Variants in SLC67A1 observed in about 807,000 individuals in gnomAD.
SLC67A1 encodes solute carrier family 67 member 1.
the SLC67A1 span, among the ~76,000 whole-genome samples, chr11:2,904,761 G>A: frequency 6.6e-6 from 1 of 152,230 alleles, no homozygotes. Flanking sequence ...GCAGTGGGAA[G>A]GGGGCGAGGT....
chr11:2,921,905 C>A, the SLC67A1 span: 1 of 612,960 alleles, frequency 1.6e-6, no homozygotes, highest in Non-Finnish European at 3.0e-6. Context: ...GGATCTCAGA[C>A]CCATCCTGAC....
chr11:2,914,091 G>A, the SLC67A1 span, among the ~76,000 whole-genome samples: 4 of 152,204 alleles, frequency 2.6e-5, no homozygotes, highest in African/African-American at 2.4e-5. Flanking sequence ...GCAGGTAAGC[G>A]GCAGAGAAGG....
At chr11:2,922,929 A>G in the SLC67A1 span, among the ~76,000 whole-genome samples, 3 of 152,284 alleles carry the variant, frequency 2.0e-5, no homozygotes, top group Admixed American at 2.0e-4. Flanking sequence ...TGGGGCACAC[A>G]AGTGCTCAGG....
the SLC67A1 span, among the ~76,000 whole-genome samples, chr11:2,904,245 T>G: frequency 6.6e-6 from 1 of 152,172 alleles, no homozygotes; most frequent in Non-Finnish European, 1.5e-5. Context: ...AAGCCCGGCG[T>G]GCGTGGGCTC....
the SLC67A1 span, chr11:2,916,499 T>C: frequency 1.4e-6 from 1 of 711,086 alleles, no homozygotes; most frequent in Admixed American, 2.2e-5. Context: ...CCACAGACTG[T>C]GGGGATGTGG....
At chr11:2,906,829 C>A in the SLC67A1 span, among the ~76,000 whole-genome samples, 21 of 150,350 alleles carry the variant, frequency 1.4e-4, no homozygotes, top group African/African-American at 5.2e-4. Context: ...CAAACCTGCA[C>A]GTTGTGTACA....
the SLC67A1 span, chr11:2,919,783 C>T: frequency 4.5e-6 from 1 of 221,290 alleles, no homozygotes; most frequent in Non-Finnish European, 8.9e-6. Context: ...GTGGTTAGAC[C>T]AGCGTGGGCC....
At chr11:2,908,491 GC>G in the SLC67A1 span, among the ~76,000 whole-genome samples, 44 of 152,196 alleles carry the variant, frequency 2.9e-4, no homozygotes, top group African/African-American at 1.0e-3. Context: ...AAGAACTTTG[GC>G]CCCTGGTAGG....
At chr11:2,918,946 C>T in the SLC67A1 span, 270 of 233,796 alleles carry the variant, frequency 1.2e-3, no homozygotes, top group Non-Finnish European at 2.0e-3. Flanking sequence ...CCTCCCTCTT[C>T]GGCCTCCCAA....
chr11:2,909,699 CTCCGCGT>C, the SLC67A1 span: 1 of 1,538,442 alleles, frequency 6.5e-7, no homozygotes, highest in East Asian at 2.5e-5. Context: ...GGACCCTGGT[CTCCGCGT>C]ACGGGTGAGT....
At chr11:2,921,979 G>T in the SLC67A1 span, 1 of 739,762 alleles carries the variant, frequency 1.4e-6, no homozygotes, top group Non-Finnish European at 2.4e-6. Context: ...GGCCTTCTCT[G>T]CAGAGGGGCC....
the SLC67A1 span, chr11:2,915,338 C>T: frequency 2.9e-6 from 2 of 681,736 alleles, no homozygotes; most frequent in Middle Eastern, 7.3e-4. Flanking sequence ...AAAGTCCTTT[C>T]TTTGAACTCC....
the SLC67A1 span, chr11:2,909,224 G>T: frequency 3.2e-6 from 5 of 1,539,132 alleles, no homozygotes; most frequent in Non-Finnish European, 4.4e-6. Context: ...GGCGCGGGCG[G>T]CGCTCACGCT....
At chr11:2,908,196 T>C in the SLC67A1 span, 1 of 1,493,714 alleles carries the variant, frequency 6.7e-7, no homozygotes, top group Non-Finnish European at 9.3e-7. Context: ...CTGCAGTCTT[T>C]CCCAGCCCCT....
At chr11:2,922,306 C>T in the SLC67A1 span, 3 of 1,508,826 alleles carry the variant, frequency 2.0e-6, no homozygotes, top group South Asian at 1.1e-5. Flanking sequence ...TCCTCCAGCC[C>T]CCCACACCCA....
At chr11:2,924,752 A>C in the SLC67A1 span, among the ~76,000 whole-genome samples, 1 of 152,150 alleles carries the variant, frequency 6.6e-6, no homozygotes, top group Non-Finnish European at 1.5e-5. This position sits in a 1 kb window ranked among gnomAD's most constrained non-coding sequence, Gnocchi z 8.6. Flanking sequence ...GTCCTCGGGG[A>C]ACAGACCAGT....
At chr11:2,908,459 TCA>T in the SLC67A1 span, 1 of 652,906 alleles carries the variant, frequency 1.5e-6, no homozygotes, top group South Asian at 2.0e-5. Flanking sequence ...CACTCCTGTG[TCA>T]CAGGCCGATG....
chr11:2,911,009 A>C, the SLC67A1 span, among the ~76,000 whole-genome samples: 1 of 151,824 alleles, frequency 6.6e-6, no homozygotes, highest in East Asian at 1.9e-4. Context: ...GTGAGGAGGG[A>C]GCACGTCCTG....
At chr11:2,924,942 G>A in the SLC67A1 span, 4 of 1,435,756 alleles carry the variant, frequency 2.8e-6, no homozygotes, top group Non-Finnish European at 3.8e-6. The surrounding 1 kb of genome is among the most constrained non-coding windows in gnomAD (Gnocchi z 8.6). Flanking sequence ...GGCCATGGCT[G>A]TGTTCAGGAA....
Sources: allele counts gnomAD v4.1 joint callset (sites outside exome capture counted in the v4.1 genomes callset), GRCh38; gene constraint gnomAD v4.1.1; non-coding constraint Gnocchi (gnomAD v3.1); transcripts MANE v1.5; gene names NCBI Gene and HGNC (gene_info 2026-07-23, HGNC 2026-07-21).